SLC24A4: variants seen among roughly 807,000 people sequenced by gnomAD.
SLC24A4 encodes solute carrier family 24 member 4.
Under a neutral mutation model 79.0 loss-of-function variants are expected in SLC24A4, and 53 were observed. The ratio of observed to expected loss-of-function variants is 0.67; its 90% confidence interval spans 0.54 to 0.84. The LOEUF (loss-of-function observed/expected upper bound fraction) is 0.84. Among genes scored for constraint, SLC24A4 ranks in the 40% least tolerant of loss-of-function variants. SLC24A4 has a pLI of 0.00. For synonymous variants in SLC24A4, 323 were observed against 323.8 expected, an observed-to-expected ratio of 1.00 and a Z score of 0.03; for missense variants, 731 against 822.0, an observed-to-expected ratio of 0.89 and a Z score of 1.35.
At chr14:92,486,875 T>C in intron 14 of SLC24A4, 95 bp downstream of exon 14, 1 of 792,926 alleles carries the variant, frequency 1.3e-6, no homozygotes, top group Non-Finnish European at 2.0e-6. Flanking sequence ...GTGGCTCTTA[T>C]GACTGGCAGT....
At chr14:92,488,074 C>CTTTT (rs777031420) in intron 14 of SLC24A4, among the ~76,000 whole-genome samples, 3 of 138,780 alleles carry the variant, frequency 2.2e-5, no homozygotes, top group East Asian at 2.1e-4. Context: ...CCTTCTTCCT[C>CTTTT]TTTTTTTTTT....
intron 11 of SLC24A4, among the ~76,000 whole-genome samples, chr14:92,455,644 G>A (rs932856147): frequency 2.6e-5 from 4 of 152,022 alleles, no homozygotes; most frequent in Admixed American, 6.5e-5. Context: ...TGCCTGAGGC[G>A]AGTCTTTGAA....
chr14:92,389,965 G>A (rs1414090521), intron 2 of SLC24A4, among the ~76,000 whole-genome samples: 2 of 152,090 alleles, frequency 1.3e-5, no homozygotes, highest in East Asian at 1.9e-4. Flanking sequence ...CTTGACTTGC[G>A]CCTCTTCTGC....
At chr14:92,432,331 C>A (rs964456810) in intron 2 of SLC24A4, among the ~76,000 whole-genome samples, 7 of 152,176 alleles carry the variant, frequency 4.6e-5, no homozygotes, top group Non-Finnish European at 8.8e-5. Context: ...TGACATTGTT[C>A]TAATTTTCAA....
At chr14:92,433,182 A>T (rs1242443132) in intron 2 of SLC24A4, among the ~76,000 whole-genome samples, 2 of 151,808 alleles carry the variant, frequency 1.3e-5, no homozygotes, top group Non-Finnish European at 2.9e-5. Flanking sequence ...CCTAAACAGG[A>T]TCTGTGACAA....
At chr14:92,385,317 C>T (rs543523645) in intron 2 of SLC24A4, among the ~76,000 whole-genome samples, 1 of 152,070 alleles carries the variant, frequency 6.6e-6, no homozygotes, top group Admixed American at 6.5e-5. Context: ...CCATCCTGGC[C>T]AACATGGTGA....
Position 92,433,926 on chromosome 14 carries a change from C to G in SLC24A4, c.256C>G (p.Pro86Ala), listed in dbSNP as rs1445883574. Reference sequence around the variant, plus strand: ...CTGTCTTCCAGCGATTCACGAGTTCCCCACAGATCTGTTCTCCAATAAGGA... The same window carrying G: ...CTGTCTTCCAGCGATTCACGAGTTCGCCACAGATCTGTTCTCCAATAAGGA... ...NCTDPAIHEF[P>A]TDLFSNKERQ... Residue 86 changes from proline to alanine, a missense_variant, in exon 3 of 17, where the codon CCC (proline) becomes GCC (alanine). Physicochemically the swap from Pro to Ala is conservative, Grantham distance 27. Transcript: ENST00000532405. 6.2e-7 allele frequency: 1 copy of G among 1,614,014 alleles called. No individual in the cohort carries two copies. The highest frequency in any genetic ancestry group is 1.7e-5 in the Admixed American group (1 of 60,010).
intron 2 of SLC24A4, among the ~76,000 whole-genome samples, chr14:92,373,524 A>G (rs974653411): frequency 6.6e-6 from 1 of 152,166 alleles, no homozygotes; most frequent in African/African-American, 2.4e-5. Flanking sequence ...GAAGAATTTT[A>G]TGAAATGTCC....
Position 92,486,877 on chromosome 14 carries a change from A to C in SLC24A4, c.1537+97A>C, listed in dbSNP as rs115549227. 1,878 of 785,480 alleles carry C rather than the reference A, an allele frequency of 2.4e-3. 28 individuals are homozygous for C. In the African/African-American group the frequency reaches 0.029, roughly 12 times the overall value. 48.7% of individuals were successfully genotyped at this position (785,480 alleles called of 1,614,324 possible). On this transcript the variant is annotated intron_variant, in intron 14 of 16. Coordinates refer to ENST00000532405, the MANE Select transcript of SLC24A4 (RefSeq NM_153646.4). ...AGTTGACCAAGTTGTGGCTCTTATG[A>C]CTGGCAGTTGTCAAGTCCTGCTGTG...
chr14:92,473,942 A>C (rs1894575321), intron 12 of SLC24A4, among the ~76,000 whole-genome samples: 1 of 152,180 alleles, frequency 6.6e-6, no homozygotes, highest in Admixed American at 6.5e-5. Context: ...GTTCTGCCAG[A>C]GGTGTCCCGG....
intron 2 of SLC24A4, among the ~76,000 whole-genome samples, chr14:92,357,886 C>T (rs1235756105): frequency 6.6e-6 from 1 of 152,192 alleles, no homozygotes; most frequent in East Asian, 1.9e-4. Flanking sequence ...AAATATATTG[C>T]ATTTCAAAAT....
At chr14:92,420,075 G>A (rs950746342) in intron 2 of SLC24A4, among the ~76,000 whole-genome samples, 2 of 152,310 alleles carry the variant, frequency 1.3e-5, no homozygotes, top group Non-Finnish European at 2.9e-5. Flanking sequence ...GGGACTGCCA[G>A]CTGTCACAGA....
At chr14:92,382,135 T>G (rs1016361754) in intron 2 of SLC24A4, among the ~76,000 whole-genome samples, 5 of 152,044 alleles carry the variant, frequency 3.3e-5, no homozygotes, top group Non-Finnish European at 5.9e-5. Flanking sequence ...AATCTATACA[T>G]AAGTGTGTGT....
At chr14:92,454,132 A>G in intron 11 of SLC24A4, 63 bp downstream of exon 11, 1 of 1,536,660 alleles carries the variant, frequency 6.5e-7, no homozygotes, top group Non-Finnish European at 8.8e-7. Flanking sequence ...TTGGCTTGTT[A>G]GGGCTCTTCC....
intron 4 of SLC24A4, among the ~76,000 whole-genome samples, chr14:92,439,948 C>T (rs1036754648): frequency 2.0e-5 from 3 of 152,254 alleles, no homozygotes; most frequent in African/African-American, 7.2e-5. Context: ...CATTGCTCCA[C>T]CTTATTCTTG....
chr14:92,415,946 A>G (rs1236011139), intron 2 of SLC24A4, among the ~76,000 whole-genome samples: 1 of 152,070 alleles, frequency 6.6e-6, no homozygotes, highest in African/African-American at 2.4e-5. Flanking sequence ...CGAGTCCCCA[A>G]AGTCATCCTT....
chr14:92,378,289 TGTTGG>T (rs1888635029), intron 2 of SLC24A4, among the ~76,000 whole-genome samples: 1 of 152,214 alleles, frequency 6.6e-6, no homozygotes, highest in African/African-American at 2.4e-5. Context: ...GCATTATTTT[TGTTGG>T]GTTCATGAGA....
At position 92,443,448 on chromosome 14, in the gene SLC24A4, A is replaced by G; in HGVS notation, c.631A>G (p.Thr211Ala). 6.2e-7 allele frequency: 1 copy of G among 1,614,130 alleles called. No individual in the cohort carries two copies. Among genetic ancestry groups the G allele is most frequent in the Non-Finnish European group, 8.5e-7 (1 of 1,180,016 alleles). ...WAVCRDSVYY[T>A]ISVIVLIVFI... ...CGTGTGCCGAGACTCCGTGTACTAC[A>G]CCATCTCTGTCATCGTGCTCATCGT... Residue 211 changes from threonine (T) to alanine (A), a missense_variant, in exon 7 of 17, where the codon ACC (threonine) becomes GCC (alanine). Coordinates refer to ENST00000532405, the MANE Select transcript of SLC24A4 (RefSeq NM_153646.4).
At chr14:92,376,756 G>A (rs146739610) in intron 2 of SLC24A4, among the ~76,000 whole-genome samples, 9 of 152,340 alleles carry the variant, frequency 5.9e-5, no homozygotes, top group African/African-American at 1.9e-4. Context: ...CTCCAAGGCA[G>A]TGATTGGTTC....
Sources: allele counts gnomAD v4.1 joint callset (sites outside exome capture counted in the v4.1 genomes callset), GRCh38; gene constraint gnomAD v4.1.1; transcripts MANE v1.5; gene names NCBI Gene and HGNC (gene_info 2026-07-23, HGNC 2026-07-21).